Variants in HDAC9 observed in about 807,000 individuals in gnomAD.
The protein encoded by HDAC9 is MEF-2 interacting transcription repressor (MITR) protein.
A neutral mutation model predicts 139.4 loss-of-function variants in HDAC9; 41 were observed. That is an observed-to-expected ratio of 0.29 (90% CI 0.23 to 0.38). The LOEUF is 0.38. Among genes scored for constraint, HDAC9 ranks in the 10% least tolerant of loss-of-function variants. The probability of loss-of-function intolerance (pLI) is 1.00; values close to 1 mark genes in which losing one functional copy is unlikely to be tolerated. For synonymous variants in HDAC9, 517 were observed against 476.2 expected (o/e 1.09, Z -1.12); for missense variants, 1,147 against 1,297.0 (o/e 0.88, Z 1.78).
intron 1 of HDAC9, among the ~76,000 whole-genome samples, chr7:18,366,902 A>G (rs1189205344): frequency 6.6e-6 from 1 of 152,072 alleles, no homozygotes; most frequent in East Asian, 1.9e-4. Context: ...GTAAGAAAAA[A>G]ATCTATAGAA....
chr7:18,543,154 A>AT (rs1426821795), intron 2 of HDAC9: 2 of 152,084 alleles, frequency 1.3e-5, no homozygotes, highest in Admixed American at 6.5e-5. Flanking sequence ...TTATCGAGTC[A>AT]TTTTTTCTCT....
chr7:18,562,410 G>A (rs963576544), intron 2 of HDAC9, among the ~76,000 whole-genome samples: 2 of 152,038 alleles, frequency 1.3e-5, no homozygotes, highest in Non-Finnish European at 2.9e-5. Flanking sequence ...ATTTACTCAC[G>A]TATTTTCTTG....
At chr7:18,637,320 C>T (rs1784205202) in intron 8 of HDAC9, among the ~76,000 whole-genome samples, 1 of 151,968 alleles carries the variant, frequency 6.6e-6, no homozygotes, top group Non-Finnish European at 1.5e-5. Flanking sequence ...TTTAGTACAA[C>T]ATATTGGAAC....
rs1346174622 is a variant in HDAC9, at chr7:18,743,667, GTGAGAAC to G, written c.1910-5337_1910-5331del. Reference sequence around the variant, plus strand: ...ACTGCACTTCAGCCTAGGTGACAGAGTGAGAACCTGTCTCTAAAAACATAAAATAAAA... The same window carrying G: ...ACTGCACTTCAGCCTAGGTGACAGAGCTGTCTCTAAAAACATAAAATAAAA... On this transcript the variant is annotated intron_variant, in intron 13 of 25. Transcript: ENST00000686413. 2.0e-5 allele frequency among the ~76,000 whole-genome samples: 3 copies of G among 149,586 alleles called. No individual in the cohort carries two copies. The East Asian group carries it at 5.8e-4, about 29-fold the overall frequency.
intron 13 of HDAC9, among the ~76,000 whole-genome samples, chr7:18,732,815 A>C (rs1281393565): frequency 1.1e-5 from 1 of 94,698 alleles, no homozygotes; most frequent in Non-Finnish European, 2.0e-5. Flanking sequence ...GTGTACACAC[A>C]CGTGTGTATG....
chr7:18,834,362 A>C (rs1796070853), intron 19 of HDAC9, among the ~76,000 whole-genome samples: 1 of 151,660 alleles, frequency 6.6e-6, no homozygotes, highest in Non-Finnish European at 1.5e-5. Context: ...AGATATTATG[A>C]AGCATATTAA....
intron 1 of HDAC9, among the ~76,000 whole-genome samples, chr7:18,440,376 G>C (rs1264701951): frequency 6.6e-6 from 1 of 151,726 alleles, no homozygotes; most frequent in African/African-American, 2.4e-5. Flanking sequence ...GTAGAGGCGG[G>C]GTTTCTCCAT....
rs183370127 is a variant in HDAC9, at chr7:18,331,317, A to T, written c.-42+40802A>T. Among the ~76,000 whole-genome samples the T allele has an allele frequency of 9.1e-4, 138 of 151,794 alleles. 1 individual carries two copies. Among genetic ancestry groups the T allele is most frequent in the Admixed American group, 4.0e-3 (60 of 15,186 alleles). On this transcript the variant is annotated intron_variant, in intron 1 of 3. Coordinates refer to the HDAC9 transcript ENST00000413509. ...CTAATTATCTTTTACTTTTGTTATT[A>T]ATCTCTGATATGGCATAATGAAAAA...
chr7:18,477,512 A>T (rs1405678962), intron 1 of HDAC9, among the ~76,000 whole-genome samples: 1 of 152,212 alleles, frequency 6.6e-6, no homozygotes, highest in Non-Finnish European at 1.5e-5. Context: ...TTATTAAATT[A>T]AGGCCAAATT....
chr7:18,672,216 AT>A (rs1297968394), intron 12 of HDAC9, among the ~76,000 whole-genome samples: 1 of 151,802 alleles, frequency 6.6e-6, no homozygotes, highest in Non-Finnish European at 1.5e-5. Context: ...TCCATTTGTT[AT>A]TTCCCCTGCC....
chr7:18,403,978 C>T (rs868025584), intron 1 of HDAC9, among the ~76,000 whole-genome samples: 4 of 152,026 alleles, frequency 2.6e-5, no homozygotes, highest in African/African-American at 9.7e-5. Flanking sequence ...TGAAGAGGGG[C>T]GAGACCTTGT....
chr7:18,624,258 A>G (rs1016991978), intron 6 of HDAC9, among the ~76,000 whole-genome samples: 1 of 152,148 alleles, frequency 6.6e-6, no homozygotes, highest in Non-Finnish European at 1.5e-5. Context: ...TATGAGAATG[A>G]AGATTTGAAA....
chr7:18,706,364 A>T (rs1783920110), intron 12 of HDAC9, among the ~76,000 whole-genome samples: 1 of 152,136 alleles, frequency 6.6e-6, no homozygotes, highest in African/African-American at 2.4e-5. Flanking sequence ...TGGATCAAGG[A>T]AATTTGTTAG....
intron 2 of HDAC9, among the ~76,000 whole-genome samples, chr7:18,260,323 GTTT>G (rs368857394): frequency 8.6e-6 from 1 of 115,642 alleles, no homozygotes; most frequent in African/African-American, 3.1e-5. Context: ...TTTTTTTTTT[GTTT>G]TTTTTTTTTT....
chr7:18,772,054 T>C (rs1292173174), intron 16 of HDAC9, among the ~76,000 whole-genome samples: 2 of 152,102 alleles, frequency 1.3e-5, no homozygotes, highest in Middle Eastern at 3.2e-3. Flanking sequence ...AGCCTAGCCA[T>C]TGGGCTGGTT....
At chr7:18,418,291 G>A (rs1313729014) in intron 1 of HDAC9, among the ~76,000 whole-genome samples, 1 of 152,056 alleles carries the variant, frequency 6.6e-6, no homozygotes, top group African/African-American at 2.4e-5. Flanking sequence ...CTACCAAAGT[G>A]TCCACTTCAG....
At chr7:18,576,655 T>G (rs1209308012) in intron 2 of HDAC9, among the ~76,000 whole-genome samples, 7 of 101,574 alleles carry the variant, frequency 6.9e-5, no homozygotes, top group African/African-American at 3.9e-4. Flanking sequence ...AGACTTCATG[T>G]CAAAAAAAAA....
chr7:18,709,557 C>T (rs1390894365), intron 12 of HDAC9, among the ~76,000 whole-genome samples: 1 of 152,122 alleles, frequency 6.6e-6, no homozygotes, highest in East Asian at 1.9e-4. Flanking sequence ...AGAAACATAT[C>T]TCAGAGTTTT....
At chr7:18,802,454 G>C (rs762540926) in intron 17 of HDAC9, among the ~76,000 whole-genome samples, 7 of 151,786 alleles carry the variant, frequency 4.6e-5, no homozygotes, top group Non-Finnish European at 1.0e-4. Context: ...AATGTTCTTT[G>C]TGTGCTTAAA....
Sources: allele counts gnomAD v4.1 joint callset (sites outside exome capture counted in the v4.1 genomes callset), GRCh38; gene constraint gnomAD v4.1.1; transcripts MANE v1.5; gene names NCBI Gene and HGNC (gene_info 2026-07-23, HGNC 2026-07-21).